Variants in DLG2 observed in about 807,000 individuals in gnomAD.
The protein encoded by DLG2 is discs large MAGUK scaffold protein 2.
Under a neutral mutation model 132.5 loss-of-function variants are expected in DLG2, and 45 were observed. The ratio of observed to expected loss-of-function variants is 0.34; its 90% CI spans 0.27 to 0.44. The LOEUF (loss-of-function observed/expected upper bound fraction) is 0.44, where lower values mean the gene tolerates loss of function less well. DLG2 is among the 20% of genes least tolerant of loss of function. The pLI is 1.00. For synonymous variants in DLG2, 424 were observed against 419.6 expected (o/e 1.01, Z -0.13); for missense variants, 1,045 against 1,196.9 (o/e 0.87, Z 1.87).
At chr11:84,241,391 A>G (rs2097222605) in intron 8 of DLG2, among the ~76,000 whole-genome samples, 3 of 152,206 alleles carry the variant, frequency 2.0e-5, no homozygotes. Context: ...GGAAGCTCCT[A>G]AGAGGAACTC....
intron 7 of DLG2, among the ~76,000 whole-genome samples, chr11:84,452,856 C>T (rs1344617345): frequency 6.6e-6 from 1 of 151,304 alleles, no homozygotes; most frequent in Non-Finnish European, 1.5e-5. Flanking sequence ...AGTTCAGCCT[C>T]TACAATGTAG....
intron 8 of DLG2, among the ~76,000 whole-genome samples, chr11:84,203,299 T>C (rs1338550183): frequency 2.6e-5 from 4 of 152,050 alleles, no homozygotes; most frequent in African/African-American, 9.7e-5. Context: ...AGGAATGCGA[T>C]CCGCCAGGTG....
intron 20 of DLG2, among the ~76,000 whole-genome samples, chr11:83,537,660 C>T (rs2095917010): frequency 6.6e-6 from 1 of 151,450 alleles, no homozygotes; most frequent in African/African-American, 2.4e-5. Context: ...CCTAAAAATA[C>T]AAAAATTAGC....
chr11:83,624,524 G>A (rs1040594628), intron 19 of DLG2, among the ~76,000 whole-genome samples: 2 of 152,178 alleles, frequency 1.3e-5, no homozygotes, highest in African/African-American at 4.8e-5. Context: ...AAATATAAAT[G>A]AAGAATCAAA....
At chr11:84,090,646 A>T (rs1193035020) in intron 10 of DLG2, among the ~76,000 whole-genome samples, 2 of 152,150 alleles carry the variant, frequency 1.3e-5, no homozygotes, top group East Asian at 3.9e-4. Context: ...GCAAAGTAGG[A>T]CCTCTCCAAC....
At chr11:83,483,108 A>AGGAGCATTCACAGCTAG in intron 22 of DLG2, 3 of 666,466 alleles carry the variant, frequency 4.5e-6, no homozygotes, top group Non-Finnish European at 7.8e-6. Context: ...GTTACTTTGT[A>AGGAGCATTCACAGCTAG]GGAGCATTCA....
At chr11:84,070,743 C>T (rs2096743888) in intron 10 of DLG2, among the ~76,000 whole-genome samples, 1 of 152,174 alleles carries the variant, frequency 6.6e-6, no homozygotes, top group African/African-American at 2.4e-5. Context: ...TGGGTTTCTG[C>T]CACTTTCCAG....
intron 8 of DLG2, among the ~76,000 whole-genome samples, chr11:84,196,517 G>A (rs1341039794): frequency 2.6e-5 from 4 of 152,226 alleles, no homozygotes; most frequent in Admixed American, 2.6e-4. Context: ...TCCAGGGAAT[G>A]AGATGCAGGG....
intron 15 of DLG2, among the ~76,000 whole-genome samples, chr11:83,925,102 T>C (rs4944453): frequency 1.3e-5 from 2 of 152,098 alleles, no homozygotes; most frequent in Admixed American, 6.6e-5. Flanking sequence ...CTCCATACTC[T>C]GAGTTCCCAC....
At chr11:84,722,177 G>T (rs1221892778) in intron 6 of DLG2, among the ~76,000 whole-genome samples, 1 of 152,174 alleles carries the variant, frequency 6.6e-6, no homozygotes, top group East Asian at 1.9e-4. Flanking sequence ...GACCAGGACT[G>T]TCACATTTAC....
intron 6 of DLG2, among the ~76,000 whole-genome samples, chr11:85,047,159 T>G (rs1262018779): frequency 6.6e-6 from 1 of 151,960 alleles, no homozygotes; most frequent in Admixed American, 6.6e-5. Flanking sequence ...AGGGAAATTA[T>G]TCTTCTTATA....
At chr11:83,850,298 CAT>C (rs2059510388) in intron 16 of DLG2, among the ~76,000 whole-genome samples, 3 of 152,080 alleles carry the variant, frequency 2.0e-5, no homozygotes, top group Admixed American at 6.6e-5. Flanking sequence ...GGATTACAGG[CAT>C]GTGCCACCAC....
At chr11:83,682,786 T>G (rs999068901) in intron 18 of DLG2, among the ~76,000 whole-genome samples, 9 of 152,188 alleles carry the variant, frequency 5.9e-5, no homozygotes, top group Non-Finnish European at 1.3e-4. Flanking sequence ...GCACCAGAGA[T>G]CAGAGAGACT....
At chr11:84,855,922 A>C (rs996795732) in intron 6 of DLG2, among the ~76,000 whole-genome samples, 4 of 152,044 alleles carry the variant, frequency 2.6e-5, no homozygotes, top group Non-Finnish European at 5.9e-5. Flanking sequence ...ACAGAATCTC[A>C]GAGTTGGAAC....
chr11:83,924,765 T>C lies in DLG2; in HGVS notation c.1496+5563A>G, dbSNP rs568037897. Among the ~76,000 whole-genome samples the C allele has an allele frequency of 3.9e-5, 6 of 152,254 alleles. No homozygotes were observed. The East Asian group carries it at 9.6e-4, about 24-fold the overall frequency. On this transcript the variant is annotated intron_variant, in intron 15 of 27. Transcript: ENST00000376104. ...TATAAAATAAAGATCTTGCTCTGCA[T>C]CCCAAAACTAAGAATGGCTTGAGGC...
intron 20 of DLG2, among the ~76,000 whole-genome samples, chr11:83,541,059 T>TA (rs1168853426): frequency 6.6e-6 from 1 of 151,982 alleles, no homozygotes; most frequent in Non-Finnish European, 1.5e-5. Flanking sequence ...AGGAAACACT[T>TA]ACACAGAACT....
At chr11:83,740,483 T>C (rs2092416689) in intron 18 of DLG2, among the ~76,000 whole-genome samples, 1 of 152,166 alleles carries the variant, frequency 6.6e-6, no homozygotes, top group Non-Finnish European at 1.5e-5. Flanking sequence ...GGAGTTAGGA[T>C]AGCAGTTACT....
At chr11:84,534,180 A>C (rs1421150121) in intron 7 of DLG2, among the ~76,000 whole-genome samples, 1 of 152,224 alleles carries the variant, frequency 6.6e-6, no homozygotes, top group East Asian at 1.9e-4. Flanking sequence ...ACAGTAAAGC[A>C]ATCATTAGAT....
At chr11:83,900,529 A>G (rs964613400) in intron 15 of DLG2, among the ~76,000 whole-genome samples, 1 of 152,202 alleles carries the variant, frequency 6.6e-6, no homozygotes, top group African/African-American at 2.4e-5. Context: ...TGGCTAAAAG[A>G]GGCCAACATA....
Sources: gnomAD v4.1 joint callset for allele counts (sites outside exome capture counted in the v4.1 genomes callset) on GRCh38, gnomAD v4.1.1 for gene constraint, MANE v1.5 for transcripts, NCBI Gene and HGNC (gene_info 2026-07-23, HGNC 2026-07-21) for gene names.